Variants in IL1RAPL1 observed in about 807,000 individuals in gnomAD.
The protein encoded by IL1RAPL1 is interleukin 1 receptor accessory protein like 1, also known as interleukin-1 receptor accessory protein-like 1.
In IL1RAPL1, 3 loss-of-function variants were observed where a neutral mutation model predicts 48.4. The ratio of observed to expected loss-of-function variants is 0.06; its 90% confidence interval spans 0.03 to 0.16. IL1RAPL1 has a LOEUF of 0.16. IL1RAPL1 is among the 10% of genes least tolerant of loss of function. IL1RAPL1 has a pLI of 1.00. For missense variants in IL1RAPL1, 349 were observed against 530.6 expected (o/e 0.66, Z 3.36); for synonymous variants, 185 against 187.7 (o/e 0.99, Z 0.12).
At chrX:28,663,978 A>C (rs1220510355) in intron 1 of IL1RAPL1, among the ~76,000 whole-genome samples, 2 of 112,357 alleles carry the variant, frequency 1.8e-5, no homozygotes, top group Non-Finnish European at 3.8e-5. Flanking sequence ...ATTCATTCGC[A>C]TACATATCAC....
intron 2 of IL1RAPL1, among the ~76,000 whole-genome samples, chrX:28,971,876 T>TTGTGTG (rs3066657): frequency 0.091 from 7,683 of 84,319 alleles, 468 homozygotes; most frequent in African/African-American, 0.19. Context: ...ACTCTGAAAA[T>TTGTGTG]TGTGTGTGTG....
At chrX:29,135,457 GTGTATCAATTCA>G (rs1240757356) in intron 2 of IL1RAPL1, among the ~76,000 whole-genome samples, 1 of 111,910 alleles carries the variant, frequency 8.9e-6, no homozygotes, top group Non-Finnish European at 1.9e-5. Flanking sequence ...GGGCATACCA[GTGTATCAATTCA>G]TGCTTATTCT....
At chrX:29,914,717 A>T (rs1932784272) in intron 6 of IL1RAPL1, among the ~76,000 whole-genome samples, 1 of 107,834 alleles carries the variant, frequency 9.3e-6, no homozygotes, top group African/African-American at 3.7e-5. Flanking sequence ...AAACAAAAAC[A>T]GTGCTCTTAT....
intron 2 of IL1RAPL1, among the ~76,000 whole-genome samples, chrX:29,015,153 A>G (rs1926211707): frequency 9.0e-6 from 1 of 111,342 alleles, no homozygotes; most frequent in Admixed American, 9.6e-5. Flanking sequence ...GCTTTGTTTG[A>G]TTCTAAACTA....
intron 6 of IL1RAPL1, among the ~76,000 whole-genome samples, chrX:29,693,081 C>G (rs1926816055): frequency 8.9e-6 from 1 of 112,054 alleles, no homozygotes; most frequent in Non-Finnish European, 1.9e-5. Flanking sequence ...GACTCTCTTT[C>G]AACCTCTCAA....
intron 2 of IL1RAPL1, among the ~76,000 whole-genome samples, chrX:28,861,409 A>G (rs1036378138): frequency 8.9e-6 from 1 of 112,114 alleles, no homozygotes; most frequent in African/African-American, 3.2e-5. Flanking sequence ...AACGCAACAC[A>G]CAAAAAGAGG....
chrX:29,001,988 C>T (rs992274253), intron 2 of IL1RAPL1, among the ~76,000 whole-genome samples: 1 of 107,806 alleles, frequency 9.3e-6, no homozygotes, highest in Admixed American at 1.0e-4. Flanking sequence ...CCTCCCCCGC[C>T]GAGTTCAAGC....
chrX:29,402,616 T>C (rs1934008232), intron 5 of IL1RAPL1, among the ~76,000 whole-genome samples: 1 of 111,356 alleles, frequency 9.0e-6, no homozygotes, highest in Non-Finnish European at 1.9e-5. Context: ...TTCGTTATAG[T>C]TAATGAACTG....
At chrX:29,143,394 TC>T (rs1929283537) in intron 2 of IL1RAPL1, among the ~76,000 whole-genome samples, 1 of 111,732 alleles carries the variant, frequency 8.9e-6, no homozygotes, top group Non-Finnish European at 1.9e-5. Flanking sequence ...ATACAGTAGT[TC>T]CCCCTTAACC....
At chrX:29,886,366 G>T (rs1360109210) in intron 6 of IL1RAPL1, among the ~76,000 whole-genome samples, 1 of 111,981 alleles carries the variant, frequency 8.9e-6, no homozygotes, top group Non-Finnish European at 1.9e-5. Context: ...AGAACCTCTT[G>T]CTTTGTGCAT....
At chrX:28,771,860 A>G (rs899070988) in intron 1 of IL1RAPL1, among the ~76,000 whole-genome samples, 10 of 101,402 alleles carry the variant, frequency 9.9e-5, no homozygotes, top group Non-Finnish European at 2.0e-5. Context: ...GAACCCGGGA[A>G]GCGGAGCTTG....
chrX:28,682,301 T>A (rs1212256742), intron 1 of IL1RAPL1, among the ~76,000 whole-genome samples: 1 of 111,067 alleles, frequency 9.0e-6, no homozygotes, highest in Non-Finnish European at 1.9e-5. Context: ...TTATTGTTTT[T>A]GTTTGTTTTT....
intron 5 of IL1RAPL1, among the ~76,000 whole-genome samples, chrX:29,658,316 G>T (rs1438987469): frequency 3.6e-5 from 4 of 111,528 alleles, no homozygotes; most frequent in Non-Finnish European, 5.6e-5. Flanking sequence ...AATGTAGAAG[G>T]TGAAAAACGA....
At chrX:28,640,251 T>C (rs1934517549) in intron 1 of IL1RAPL1, among the ~76,000 whole-genome samples, 1 of 112,077 alleles carries the variant, frequency 8.9e-6, no homozygotes, top group African/African-American at 3.2e-5. Flanking sequence ...CAATTAGTAC[T>C]GTTATGATGA....
intron 5 of IL1RAPL1, among the ~76,000 whole-genome samples, chrX:29,483,583 A>G (rs929486338): frequency 1.8e-5 from 2 of 112,119 alleles, no homozygotes; most frequent in African/African-American, 6.5e-5. Flanking sequence ...CTGTGAAGCT[A>G]TAACTAATAG....
At chrX:29,100,943 T>C (rs1463991570) in intron 2 of IL1RAPL1, among the ~76,000 whole-genome samples, 6 of 111,851 alleles carry the variant, frequency 5.4e-5, no homozygotes, top group Non-Finnish European at 1.1e-4. Flanking sequence ...CATGCATCCT[T>C]TTATATGTGA....
At chrX:29,333,385 G>A (rs1293224783) in intron 3 of IL1RAPL1, among the ~76,000 whole-genome samples, 9 of 106,566 alleles carry the variant, frequency 8.4e-5, no homozygotes, top group Admixed American at 2.9e-4. Context: ...TCCTGGATAG[G>A]GCGGCTGGCC....
At chrX:29,384,193 T>C (rs760649511) in intron 3 of IL1RAPL1, among the ~76,000 whole-genome samples, 15 of 111,555 alleles carry the variant, frequency 1.3e-4, no homozygotes, top group African/African-American at 4.9e-4. Context: ...GGAAACAGGA[T>C]ATCAATATGC....
At chrX:29,491,681 T>C (rs1486539516) in intron 5 of IL1RAPL1, among the ~76,000 whole-genome samples, 1 of 112,248 alleles carries the variant, frequency 8.9e-6, no homozygotes, top group Non-Finnish European at 1.9e-5. Context: ...ATTCCTTTTT[T>C]TAAGATGTTG....
Sources: gnomAD v4.1 joint callset for allele counts (sites outside exome capture counted in the v4.1 genomes callset) on GRCh38, gnomAD v4.1.1 for gene constraint, MANE v1.5 for transcripts, NCBI Gene and HGNC (gene_info 2026-07-23, HGNC 2026-07-21) for gene names.